ENOX2: variants seen among roughly 807,000 people sequenced by gnomAD.
The protein encoded by ENOX2 is ecto-NOX disulfide-thiol exchanger 2.
A neutral mutation model predicts 45.0 loss-of-function variants in ENOX2; 36 were observed. That is an observed-to-expected ratio of 0.80 (90% CI 0.61 to 1.06). The LOEUF (loss-of-function observed/expected upper bound fraction) is 1.06. Ranked by LOEUF, ENOX2 falls within the 50% of genes least tolerant of loss-of-function variation. The pLI, the probability that ENOX2 is intolerant of heterozygous loss-of-function variation, is 0.00. For synonymous variants in ENOX2, 174 were observed against 152.3 expected (o/e 1.14, Z -1.05); for missense variants, 423 against 462.5 (o/e 0.91, Z 0.78).
Position 130,689,415 on chromosome X carries a change from G to A in ENOX2, c.98-397C>T, listed in dbSNP as rs1270146882. Among the ~76,000 whole-genome samples, 4 of 111,599 alleles carry A rather than the reference G, an allele frequency of 3.6e-5. No homozygotes were observed. In the Admixed American group the frequency reaches 3.8e-4, roughly 11 times the overall value. Reference sequence around the variant, plus strand: ...CATGATATTAAGAGCACAGAGTTTTGGGGATCAAGCAGACCTGGGTTTTAG... The same window carrying A: ...CATGATATTAAGAGCACAGAGTTTTAGGGATCAAGCAGACCTGGGTTTTAG... On this transcript the variant is annotated intron_variant, in intron 4 of 14. Transcript: ENST00000394363.
chrX:130,633,559 G>T (rs1161516313), intron 12 of ENOX2, among the ~76,000 whole-genome samples: 4 of 112,604 alleles, frequency 3.6e-5, no homozygotes, highest in Admixed American at 9.4e-5. Flanking sequence ...TTTCCAAATG[G>T]GAAACACTTG....
intron 3 of ENOX2, among the ~76,000 whole-genome samples, chrX:130,723,813 C>T (rs747165198): frequency 1.1e-4 from 12 of 111,630 alleles, no homozygotes; most frequent in Non-Finnish European, 2.1e-4. Context: ...CTAAGAGATA[C>T]GTAGCACTAA....
intron 3 of ENOX2, among the ~76,000 whole-genome samples, chrX:130,703,929 C>T (rs1479124895): frequency 9.0e-6 from 1 of 111,282 alleles, no homozygotes; most frequent in Non-Finnish European, 1.9e-5. Flanking sequence ...CTGTTATCAC[C>T]ACCTCCACCC....
chrX:130,776,547 A>T (rs2039861041), intron 3 of ENOX2, among the ~76,000 whole-genome samples: 1 of 110,870 alleles, frequency 9.0e-6, no homozygotes, highest in Non-Finnish European at 1.9e-5. Context: ...GAGTTCTGCC[A>T]TGAGTAAAAG....
At chrX:130,703,607 A>G (rs2037961823) in intron 3 of ENOX2, among the ~76,000 whole-genome samples, 1 of 111,147 alleles carries the variant, frequency 9.0e-6, no homozygotes. Flanking sequence ...ACAGTCTACT[A>G]GCATATGATT....
chrX:130,757,060 G>T (rs1244963321), intron 3 of ENOX2, among the ~76,000 whole-genome samples: 1 of 111,814 alleles, frequency 8.9e-6, no homozygotes, highest in Non-Finnish European at 1.9e-5. Context: ...CGTCCCATAA[G>T]AATTCTCAAA....
At chrX:130,662,790 A>G (rs1464743910) in intron 9 of ENOX2, among the ~76,000 whole-genome samples, 1 of 112,583 alleles carries the variant, frequency 8.9e-6, no homozygotes, top group African/African-American at 3.2e-5. Context: ...GAGAAAGGTT[A>G]TGAGCTATGT....
intron 2 of ENOX2, among the ~76,000 whole-genome samples, chrX:130,876,202 C>A (rs1344299312): frequency 1.8e-5 from 2 of 111,780 alleles, no homozygotes; most frequent in Non-Finnish European, 3.8e-5. Context: ...ATGGAAATAA[C>A]CCAAATGATG....
intron 3 of ENOX2, among the ~76,000 whole-genome samples, chrX:130,721,463 G>T (rs2038474091): frequency 8.9e-6 from 1 of 112,123 alleles, no homozygotes; most frequent in African/African-American, 3.2e-5. Flanking sequence ...AAAGCATTTT[G>T]GATCATTTTA....
intron 2 of ENOX2, among the ~76,000 whole-genome samples, chrX:130,818,454 A>C (rs1263311257): frequency 2.7e-5 from 3 of 111,968 alleles, no homozygotes; most frequent in African/African-American, 9.8e-5. Context: ...AATCCTAAGC[A>C]AAAAGAACAA....
At chrX:130,754,660 C>T (rs983277359) in intron 3 of ENOX2, among the ~76,000 whole-genome samples, 15 of 110,889 alleles carry the variant, frequency 1.4e-4, no homozygotes, top group Admixed American at 7.7e-4. Flanking sequence ...ACTGCATTTT[C>T]TCACTTATAA....
intron 3 of ENOX2, among the ~76,000 whole-genome samples, chrX:130,741,761 C>T (rs1269632630): frequency 9.0e-6 from 1 of 111,185 alleles, no homozygotes; most frequent in Non-Finnish European, 1.9e-5. Context: ...AGAGCCTCCC[C>T]TTAGTACCAG....
At chrX:130,880,775 C>T (rs957103598) in intron 2 of ENOX2, among the ~76,000 whole-genome samples, 4 of 112,131 alleles carry the variant, frequency 3.6e-5, no homozygotes, top group African/African-American at 1.3e-4. Flanking sequence ...ACTTAACAGC[C>T]AACCCTCAAC....
intron 13 of ENOX2, among the ~76,000 whole-genome samples, chrX:130,631,055 A>G (rs2035693426): frequency 9.0e-6 from 1 of 111,524 alleles, no homozygotes; most frequent in Non-Finnish European, 1.9e-5. Context: ...GTAACCTGGA[A>G]AAACTTGAGA....
At chrX:130,694,695 C>A (rs112361061) in intron 4 of ENOX2, among the ~76,000 whole-genome samples, 3 of 106,582 alleles carry the variant, frequency 2.8e-5, no homozygotes, top group African/African-American at 1.0e-4. Context: ...CTCTGCCTCC[C>A]GGGTTCAAGC....
intron 2 of ENOX2, among the ~76,000 whole-genome samples, chrX:130,786,632 CTA>C (rs2076974449): frequency 1.1e-5 from 1 of 94,840 alleles, no homozygotes; most frequent in Admixed American, 1.2e-4. Context: ...CAATTCCCAC[CTA>C]TGAGTGAGAA....
intron 4 of ENOX2, among the ~76,000 whole-genome samples, chrX:130,697,189 T>A (rs1251340947): frequency 9.0e-6 from 1 of 111,237 alleles, no homozygotes; most frequent in East Asian, 2.8e-4. Flanking sequence ...TGTTCTTAGT[T>A]CTTTCATCCT....
At chrX:130,882,745 C>T (rs1356220583) in intron 2 of ENOX2, among the ~76,000 whole-genome samples, 1 of 111,887 alleles carries the variant, frequency 8.9e-6, no homozygotes, top group East Asian at 2.8e-4. Context: ...GACAGCTCTA[C>T]ACTGTCTAGG....
At chrX:130,738,603 T>A (rs5975225) in intron 3 of ENOX2, among the ~76,000 whole-genome samples, 224 of 112,355 alleles carry the variant, frequency 2.0e-3, no homozygotes, top group African/African-American at 7.0e-3. Context: ...TTGATGATTC[T>A]GTAATTCCTG....
Sources: allele counts gnomAD v4.1 joint callset (sites outside exome capture counted in the v4.1 genomes callset), GRCh38; gene constraint gnomAD v4.1.1; transcripts MANE v1.5; gene names NCBI Gene and HGNC (gene_info 2026-07-23, HGNC 2026-07-21).